KLF12: variants seen among roughly 807,000 people sequenced by gnomAD.
The protein encoded by KLF12 is KLF transcription factor 12.
A neutral mutation model predicts 37.8 loss-of-function variants in KLF12; 9 were observed. That is an observed-to-expected ratio of 0.24 (90% confidence interval 0.14 to 0.42). KLF12 has a LOEUF of 0.42. KLF12 is among the 10% of genes least tolerant of loss of function. The pLI is 1.00. For synonymous variants in KLF12, 208 were observed against 202.1 expected (o/e 1.03, Z -0.25); for missense variants, 411 against 516.0 (o/e 0.80, Z 1.97).
the KLF12 span, among the ~76,000 whole-genome samples, chr13:74,211,571 T>C: frequency 6.6e-6 from 1 of 152,152 alleles, no homozygotes; most frequent in Non-Finnish European, 1.5e-5. Context: ...TTAATAAAAA[T>C]TCACAGGAAA....
chr13:73,921,050 A>C (rs1593728952), intron 3 of KLF12, among the ~76,000 whole-genome samples: 1 of 152,168 alleles, frequency 6.6e-6, no homozygotes, highest in African/African-American at 2.4e-5. Context: ...CACCACACCC[A>C]TAACTCAGAC....
intron 3 of KLF12, among the ~76,000 whole-genome samples, chr13:73,848,416 T>A (rs747169771): frequency 1.3e-5 from 2 of 151,978 alleles, no homozygotes; most frequent in African/African-American, 4.8e-5. Context: ...TCTTTGTTTA[T>A]CACACAAGTC....
At chr13:74,040,212 T>C (rs778880775) in intron 1 of KLF12, among the ~76,000 whole-genome samples, 5 of 152,194 alleles carry the variant, frequency 3.3e-5, no homozygotes, top group South Asian at 2.1e-4. Context: ...AAACACATTA[T>C]CACTTCATTT....
At chr13:73,754,036 C>T (rs1878974501) in intron 6 of KLF12, among the ~76,000 whole-genome samples, 1 of 152,138 alleles carries the variant, frequency 6.6e-6, no homozygotes, top group East Asian at 1.9e-4. Context: ...AACTCACACA[C>T]ATATTCTCTT....
intron 2 of KLF12, 90 bp from the exon 3 acceptor site, chr13:73,944,160 G>C: frequency 1.3e-6 from 1 of 753,470 alleles, no homozygotes; most frequent in Non-Finnish European, 2.3e-6. Context: ...AGTACATTTA[G>C]TATTGCTAAC....
At chr13:74,151,022 G>A in the KLF12 span, among the ~76,000 whole-genome samples, 2 of 152,168 alleles carry the variant, frequency 1.3e-5, no homozygotes, top group African/African-American at 4.8e-5. Context: ...ACTCTTATTA[G>A]TAACTACTTA....
intron 6 of KLF12, among the ~76,000 whole-genome samples, chr13:73,737,791 A>G (rs1808085049): frequency 6.6e-6 from 1 of 152,114 alleles, no homozygotes; most frequent in African/African-American, 2.4e-5. Flanking sequence ...AAGATTAGCT[A>G]AAGAGTATGT....
chr13:73,979,356 CA>C (rs1891629622), intron 2 of KLF12, among the ~76,000 whole-genome samples: 4 of 70,058 alleles, frequency 5.7e-5, no homozygotes, highest in Non-Finnish European at 1.5e-4. Flanking sequence ...TGCTTTTAAA[CA>C]CACACACACA....
At chr13:74,111,632 A>T (rs554382259) in intron 1 of KLF12, among the ~76,000 whole-genome samples, 1 of 152,304 alleles carries the variant, frequency 6.6e-6, no homozygotes, top group African/African-American at 2.4e-5. Context: ...AGTCCAATTA[A>T]TCATTCACCC....
At chr13:73,774,824 G>A (rs966204568) in intron 5 of KLF12, among the ~76,000 whole-genome samples, 1 of 151,248 alleles carries the variant, frequency 6.6e-6, no homozygotes, top group East Asian at 1.9e-4. Context: ...TCATTCAACA[G>A]TTATTATCAA....
chr13:73,971,572 GC>G (rs1162594806), intron 2 of KLF12, among the ~76,000 whole-genome samples: 5 of 152,060 alleles, frequency 3.3e-5, no homozygotes, highest in Admixed American at 1.3e-4. Flanking sequence ...TACTATGGAG[GC>G]CCCTGATTTT....
chr13:73,791,326 T>A (rs1328331494), intron 5 of KLF12, among the ~76,000 whole-genome samples: 3 of 152,236 alleles, frequency 2.0e-5, no homozygotes, highest in African/African-American at 7.2e-5. Context: ...AGAGCATTTT[T>A]ATAAAAATAA....
At chr13:74,146,274 T>C in the KLF12 span, among the ~76,000 whole-genome samples, 2 of 152,232 alleles carry the variant, frequency 1.3e-5, no homozygotes, top group African/African-American at 4.8e-5. Context: ...AGAATGATTG[T>C]TCCATGTTGT....
chr13:74,266,629 T>C, the KLF12 span, among the ~76,000 whole-genome samples: 1 of 152,200 alleles, frequency 6.6e-6, no homozygotes, highest in South Asian at 2.1e-4. Flanking sequence ...CTGTGACTAA[T>C]TAGTAGCCTG....
chr13:73,948,170 C>T (rs1215611839), intron 2 of KLF12, among the ~76,000 whole-genome samples: 1 of 152,116 alleles, frequency 6.6e-6, no homozygotes, highest in East Asian at 1.9e-4. Context: ...ATGTAAGGGA[C>T]ATATGAACAG....
the KLF12 span, among the ~76,000 whole-genome samples, chr13:74,218,175 C>A: frequency 6.6e-6 from 1 of 152,138 alleles, no homozygotes; most frequent in Non-Finnish European, 1.5e-5. Context: ...CTCACCAGAA[C>A]TGAAAAGATT....
chr13:73,726,981 A>G (rs1000597357), intron 6 of KLF12, among the ~76,000 whole-genome samples: 7 of 152,206 alleles, frequency 4.6e-5, no homozygotes, highest in African/African-American at 1.4e-4. Context: ...CAGCAATCCT[A>G]GAGGTTGTAA....
the KLF12 span, among the ~76,000 whole-genome samples, chr13:74,211,400 T>C: frequency 6.6e-6 from 1 of 152,040 alleles, no homozygotes. Flanking sequence ...TGAATGGCTG[T>C]GTGAATTAGG....
At chr13:73,771,061 T>A (rs1880235766) in intron 5 of KLF12, among the ~76,000 whole-genome samples, 1 of 152,154 alleles carries the variant, frequency 6.6e-6, no homozygotes, top group South Asian at 2.1e-4. Flanking sequence ...GCAGTGACAC[T>A]AGATGTTCTC....
Sources: gnomAD v4.1 joint callset for allele counts (sites outside exome capture counted in the v4.1 genomes callset) on GRCh38, gnomAD v4.1.1 for gene constraint, MANE v1.5 for transcripts, NCBI Gene and HGNC (gene_info 2026-07-23, HGNC 2026-07-21) for gene names.